The following NCOA2 variants were observed in gnomAD, a reference collection of about 807,000 sequenced individuals.
NCOA2 encodes the protein nuclear receptor coactivator 2.
In NCOA2, 21 loss-of-function variants were observed where a neutral mutation model predicts 145.1. That is an observed-to-expected ratio of 0.14 (90% confidence interval 0.10 to 0.21). The LOEUF is 0.21. NCOA2 is among the 10% of genes least tolerant of loss of function. NCOA2 has a pLI of 1.00. For synonymous variants in NCOA2, 619 were observed against 637.5 expected (o/e 0.97, Z 0.44); for missense variants, 1,472 against 1,837.6 (o/e 0.80, Z 3.64).
intron 18 of NCOA2, 75 bp from the exon 19 acceptor site, chr8:70,127,122 A>G: frequency 1.9e-6 from 2 of 1,043,764 alleles, no homozygotes; most frequent in South Asian, 2.8e-5. Flanking sequence ...AGTATTATAG[A>G]GAGGCTAGCA....
chr8:70,422,901 G>A, the NCOA2 span, among the ~76,000 whole-genome samples: 2 of 151,790 alleles, frequency 1.3e-5, no homozygotes, highest in African/African-American at 4.8e-5. Flanking sequence ...CTTTTGAGAT[G>A]AGGTCTTGCT....
At chr8:70,403,353 C>A (rs570676192) in intron 1 of NCOA2, among the ~76,000 whole-genome samples, 139 of 151,350 alleles carry the variant, frequency 9.2e-4, no homozygotes, top group African/African-American at 3.2e-3. Context: ...GCGCCGCGGG[C>A]TGCAGCCTCC....
chr8:70,260,385 A>C (rs1380813930), intron 2 of NCOA2, among the ~76,000 whole-genome samples: 1 of 152,110 alleles, frequency 6.6e-6, no homozygotes. Context: ...CACCCGCCTC[A>C]GCCTCCCAAA....
chr8:70,153,327 T>C (rs1654050973), intron 11 of NCOA2, among the ~76,000 whole-genome samples: 1 of 150,488 alleles, frequency 6.6e-6, no homozygotes, highest in Admixed American at 6.6e-5. Context: ...CTGGACTTTA[T>C]GTTTCCTAGG....
intron 1 of NCOA2, among the ~76,000 whole-genome samples, chr8:70,330,982 A>G (rs924298371): frequency 1.3e-5 from 2 of 152,220 alleles, no homozygotes; most frequent in South Asian, 2.1e-4. Context: ...CAATTAGCTA[A>G]TTCATTTTAA....
chr8:70,295,848 G>C (rs1371991223), intron 2 of NCOA2, among the ~76,000 whole-genome samples: 1 of 152,146 alleles, frequency 6.6e-6, no homozygotes, highest in Non-Finnish European at 1.5e-5. Flanking sequence ...ATGAGGCTGA[G>C]GCAGGAGAAT....
At chr8:70,316,863 A>G (rs1200227274) in intron 1 of NCOA2, among the ~76,000 whole-genome samples, 1 of 152,142 alleles carries the variant, frequency 6.6e-6, no homozygotes, top group Non-Finnish European at 1.5e-5. Context: ...GGGACCTGAA[A>G]AACACTGCTG....
chr8:70,143,824 C>G (rs1226710975), intron 13 of NCOA2, among the ~76,000 whole-genome samples: 2 of 152,210 alleles, frequency 1.3e-5, no homozygotes, highest in African/African-American at 4.8e-5. Flanking sequence ...GCCTTTGTTT[C>G]TAGTGACTCA....
chr8:70,185,794 A>G (rs1200010909), intron 4 of NCOA2, among the ~76,000 whole-genome samples: 1 of 152,222 alleles, frequency 6.6e-6, no homozygotes, highest in Non-Finnish European at 1.5e-5. Flanking sequence ...CTAAGTGAAC[A>G]TTTAGGGAGG....
Position 70,141,316 on chromosome 8 carries a change from C to A in NCOA2, c.2896G>T (p.Ala966Ser). 1 of 1,613,944 alleles carries A rather than the reference C, an allele frequency of 6.2e-7. No homozygotes were observed. The highest frequency in any genetic ancestry group is 2.2e-5 in the East Asian group (1 of 44,868). ...CGGTTCATGGCACTGGTGGTAGCAG[C>A]ACAGGTGACTCTCACAGCCGAACTC... ...PQSSAVRVTC[A>S]ATTSAMNRPV... The change falls in exon 14 of 23, where the codon GCT becomes TCT. Residue 966 changes from alanine (A) to serine (S), a missense_variant. Transcript: ENST00000452400.
intron 2 of NCOA2, chr8:70,273,592 C>A (rs1473409): frequency 1.3e-6 from 1 of 754,576 alleles, no homozygotes. Flanking sequence ...ACCCTAAAGC[C>A]CAGACATCTC....
chr8:70,295,243 A>C (rs1827003973), intron 2 of NCOA2, among the ~76,000 whole-genome samples: 1 of 152,194 alleles, frequency 6.6e-6, no homozygotes, highest in Admixed American at 6.5e-5. Context: ...AATGACCAAA[A>C]CATTTCCCCA....
chr8:70,440,075 C>A, the NCOA2 span, among the ~76,000 whole-genome samples: 1 of 152,022 alleles, frequency 6.6e-6, no homozygotes, highest in Admixed American at 6.6e-5. Flanking sequence ...TTGTTAGAAA[C>A]GAGGATCGAG....
At chr8:70,414,713 G>T in the NCOA2 span, among the ~76,000 whole-genome samples, 1 of 152,158 alleles carries the variant, frequency 6.6e-6, no homozygotes, top group African/African-American at 2.4e-5. Flanking sequence ...AGAAAAACAT[G>T]CTTTACTTTA....
chr8:70,295,212 CA>C (rs1165037539), intron 2 of NCOA2, among the ~76,000 whole-genome samples: 8 of 152,128 alleles, frequency 5.3e-5, no homozygotes, highest in Non-Finnish European at 7.3e-5. Context: ...AGTTCAAACA[CA>C]TCAATATATA....
chr8:70,392,332 C>T (rs748296201), intron 1 of NCOA2, among the ~76,000 whole-genome samples: 4 of 152,170 alleles, frequency 2.6e-5, no homozygotes, highest in Admixed American at 6.5e-5. Context: ...AGTGTTTCTA[C>T]GATTTAACGT....
At chr8:70,222,735 C>T (rs562886080) in intron 2 of NCOA2, among the ~76,000 whole-genome samples, 1 of 152,302 alleles carries the variant, frequency 6.6e-6, no homozygotes, top group African/African-American at 2.4e-5. Context: ...TCACTGGTTA[C>T]ACAAATATTT....
At chr8:70,366,962 T>C (rs1810749497) in intron 1 of NCOA2, among the ~76,000 whole-genome samples, 1 of 152,170 alleles carries the variant, frequency 6.6e-6, no homozygotes, top group African/African-American at 2.4e-5. Context: ...AGAAGATTCA[T>C]ACAGAATAAT....
chr8:70,277,106 AT>A (rs918083150), intron 2 of NCOA2, among the ~76,000 whole-genome samples: 3 of 151,650 alleles, frequency 2.0e-5, no homozygotes, highest in African/African-American at 4.8e-5. Flanking sequence ...AAGCTCTTTA[AT>A]TTTTTTTCCC....
Sources: allele counts gnomAD v4.1 joint callset (sites outside exome capture counted in the v4.1 genomes callset), GRCh38; gene constraint gnomAD v4.1.1; transcripts MANE v1.5; gene names NCBI Gene and HGNC (gene_info 2026-07-23, HGNC 2026-07-21).